Variants in ANO10 observed in about 807,000 individuals in gnomAD.
ANO10 encodes anoctamin-10.
In ANO10, 77 loss-of-function variants were observed where a neutral mutation model predicts 74.7. The ratio of observed to expected loss-of-function variants is 1.03; its 90% CI spans 0.86 to 1.25. The LOEUF (loss-of-function observed/expected upper bound fraction) is 1.25. Ranked by LOEUF, ANO10 falls within the 50% of genes most tolerant of loss-of-function variation. The pLI is 0.00. For synonymous variants in ANO10, 279 were observed against 284.9 expected (o/e 0.98, Z 0.21); for missense variants, 721 against 778.1 (o/e 0.93, Z 0.87).
At chr3:43,619,809 T>A (rs1379356632) in intron 1 of ANO10, among the ~76,000 whole-genome samples, 1 of 147,532 alleles carries the variant, frequency 6.8e-6, no homozygotes, top group Non-Finnish European at 1.5e-5. Context: ...AAGGCTGCAG[T>A]GAGCTGTGAC....
upstream of ANO10, among the ~76,000 whole-genome samples, chr3:43,622,926 C>T (rs1205183364): frequency 6.6e-6 from 1 of 152,170 alleles, no homozygotes; most frequent in Non-Finnish European, 1.5e-5. Flanking sequence ...AGTGCAGTGG[C>T]GCAGTCTCGG....
chr3:43,495,946 C>T (rs1303094588), intron 11 of ANO10, among the ~76,000 whole-genome samples: 1 of 152,076 alleles, frequency 6.6e-6, no homozygotes. Flanking sequence ...CATGATCTGA[C>T]CACCTTGGCC....
At chr3:43,428,374 T>A (rs184501315) in intron 12 of ANO10, among the ~76,000 whole-genome samples, 52 of 152,082 alleles carry the variant, frequency 3.4e-4, no homozygotes, top group Middle Eastern at 3.4e-3. Flanking sequence ...AATTCTCAGA[T>A]TGATAATTAA....
intron 1 of ANO10, among the ~76,000 whole-genome samples, chr3:43,661,929 A>T (rs572713405): frequency 5.1e-4 from 78 of 152,356 alleles, no homozygotes; most frequent in African/African-American, 1.8e-3. Flanking sequence ...ACCTACAAAG[A>T]GACTTAGATT....
At position 43,443,679 on chromosome 3, in the gene ANO10, CTTTTTTTTTTTTT is replaced by C. The variant is rs59685910; in HGVS notation, c.1798-10965_1798-10953del. Among the ~76,000 whole-genome samples, 55 of 122,020 alleles carry C rather than the reference CTTTTTTTTTTTTT, an allele frequency of 4.5e-4. 3 individuals are homozygous for C. In the South Asian group the frequency reaches 0.013, roughly 28 times the overall value. The allele number at this position is 122,020 out of a possible 152,430, so 80.0% of individuals were successfully genotyped here. A position where few individuals can be genotyped will look rare whatever the true frequency, so the allele number is the denominator to read the frequency against. ...TGAAAAGTATTTTACTTCCTTCCTT[CTTTTTTTTTTTTT>C]TTTTTTTGACGGAGTTTCACTCTTG... On this transcript the variant is annotated intron_variant, in intron 11 of 12. Transcript: ENST00000292246.
At chr3:43,585,027 T>C (rs371281756) in intron 4 of ANO10, among the ~76,000 whole-genome samples, 1 of 152,204 alleles carries the variant, frequency 6.6e-6, no homozygotes, top group Non-Finnish European at 1.5e-5. Context: ...TTTAACTTAA[T>C]GAAAATCTAG....
intron 8 of ANO10, among the ~76,000 whole-genome samples, chr3:43,562,153 C>T (rs2149348458): frequency 6.6e-6 from 1 of 151,810 alleles, no homozygotes; most frequent in East Asian, 1.9e-4. Context: ...GGCAGATCAC[C>T]TGAGATGGAA....
upstream of ANO10, among the ~76,000 whole-genome samples, chr3:43,622,331 G>A (rs1285461071): frequency 6.6e-6 from 1 of 152,228 alleles, no homozygotes; most frequent in Non-Finnish European, 1.5e-5. Flanking sequence ...CGGGAGAGGC[G>A]CGGCCGAGAA....
At chr3:43,585,770 C>CA (rs2081454977) in intron 4 of ANO10, among the ~76,000 whole-genome samples, 1 of 152,198 alleles carries the variant, frequency 6.6e-6, no homozygotes, top group Non-Finnish European at 1.5e-5. Context: ...TGTCTGAAAA[C>CA]ATGCCTTCCC....
intron 1 of ANO10, among the ~76,000 whole-genome samples, chr3:43,630,719 T>C (rs150614970): frequency 1.6e-4 from 25 of 152,350 alleles, no homozygotes; most frequent in African/African-American, 5.5e-4. Context: ...CAATGAATCC[T>C]ATTGTGACCT....
At chr3:43,492,675 CAT>C (rs1166108142) in intron 11 of ANO10, among the ~76,000 whole-genome samples, 3 of 152,138 alleles carry the variant, frequency 2.0e-5, no homozygotes, top group Non-Finnish European at 2.9e-5. Flanking sequence ...GGTGAACAGA[CAT>C]ATGAAAAAAT....
rs2080736121 is a variant in ANO10, at chr3:43,571,777, T to C, written c.1218+3032A>G. 2.7e-5 allele frequency among the ~76,000 whole-genome samples: 4 copies of C among 149,016 alleles called. No homozygotes were observed. The South Asian group carries it at 8.5e-4, about 32-fold the overall frequency. On this transcript the variant is annotated intron_variant, in intron 7 of 12. Coordinates refer to ENST00000292246, the MANE Select transcript of ANO10 (RefSeq NM_018075.5). ...GTGCAGCGCACCAGCATGGCACATG[T>C]ATACATATGTAACTAACCTGCACAA...
At chr3:43,663,945 G>A (rs1225373709) in intron 1 of ANO10, among the ~76,000 whole-genome samples, 1 of 152,088 alleles carries the variant, frequency 6.6e-6, no homozygotes. Context: ...TCATGAAAAC[G>A]GCCTTACTGC....
intron 1 of ANO10, among the ~76,000 whole-genome samples, chr3:43,633,995 CAAAAA>C (rs5848667): frequency 8.1e-6 from 1 of 124,040 alleles, no homozygotes. Context: ...TCATGGACAG[CAAAAA>C]AAAAAAAAAA....
At chr3:43,669,833 T>C (rs2084035642) in intron 1 of ANO10, among the ~76,000 whole-genome samples, 1 of 151,952 alleles carries the variant, frequency 6.6e-6, no homozygotes, top group Non-Finnish European at 1.5e-5. Context: ...TTCAAGCAGT[T>C]CTCCTGTCTC....
intron 11 of ANO10, among the ~76,000 whole-genome samples, chr3:43,463,895 T>C (rs1452547961): frequency 6.6e-6 from 1 of 152,176 alleles, no homozygotes; most frequent in Non-Finnish European, 1.5e-5. Context: ...CCATGTGTTG[T>C]GGGAGGGACC....
intron 12 of ANO10, among the ~76,000 whole-genome samples, chr3:43,392,716 C>G (rs2092300956): frequency 6.6e-6 from 1 of 152,184 alleles, no homozygotes. Context: ...ACAAAGCCCT[C>G]TTCTCCACTC....
intron 11 of ANO10, among the ~76,000 whole-genome samples, chr3:43,454,666 A>G (rs1360209080): frequency 6.6e-6 from 1 of 152,138 alleles, no homozygotes; most frequent in Admixed American, 6.5e-5. Flanking sequence ...CAGTGTTTCC[A>G]GGAGAGAGGA....
intron 1 of ANO10, among the ~76,000 whole-genome samples, chr3:43,651,687 A>T (rs998732284): frequency 9.2e-5 from 14 of 152,174 alleles, no homozygotes; most frequent in African/African-American, 3.4e-4. Context: ...TGTGAAAAAC[A>T]TTTAAGATTT....
Sources: allele counts gnomAD v4.1 joint callset (sites outside exome capture counted in the v4.1 genomes callset), GRCh38; gene constraint gnomAD v4.1.1; transcripts MANE v1.5; gene names NCBI Gene and HGNC (gene_info 2026-07-23, HGNC 2026-07-21).